The following BTBD17 variants were observed in gnomAD, a reference collection of about 807,000 sequenced individuals.
BTBD17 encodes the protein BTB/POZ domain-containing protein 17.
Under a neutral mutation model 36.9 loss-of-function variants are expected in BTBD17, and 26 were observed. That is an observed-to-expected ratio of 0.70 (90% CI 0.52 to 0.98). The LOEUF is 0.98. BTBD17 is among the 50% of genes least tolerant of loss of function. The pLI, the probability that BTBD17 is intolerant of heterozygous loss-of-function variation, is 0.00. For missense variants in BTBD17, 630 were observed against 691.3 expected, an observed-to-expected ratio of 0.91 and a Z score of 0.99; for synonymous variants, 341 against 338.0, an observed-to-expected ratio of 1.01 and a Z score of -0.10.
chr17:74,362,442 T>C (rs1005517505), upstream of BTBD17, among the ~76,000 whole-genome samples: 7 of 152,176 alleles, frequency 4.6e-5, no homozygotes, highest in African/African-American at 1.7e-4. Context: ...TTCATATTCT[T>C]TGTTGAAGAA....
In BTBD17 at chr17:74,356,657, C is replaced by T. The variant is rs755336026; in HGVS notation, c.1437G>A (p.Ter479=). The T allele has an allele frequency of 2.6e-6, 4 of 1,521,132 alleles. No homozygotes were observed. The African/African-American group carries it at 5.7e-5, about 22-fold the overall frequency. 94.2% of individuals were successfully genotyped at this position (1,521,132 alleles called of 1,614,324 possible). Residue 479 remains the stop codon, a stop_retained_variant, in exon 3 of 3, where the codon TAG becomes TAA. Transcript: ENST00000375366. The surrounding 1 kb of genome is among the most constrained non-coding windows in gnomAD (Gnocchi z 4.3). Reference sequence around the variant, plus strand: ...AGGCCTTTATTCCCAGACCCCGAGGCTACTTGGGGGTCCGGATAAGGGTGT... The same window carrying T: ...AGGCCTTTATTCCCAGACCCCGAGGTTACTTGGGGGTCCGGATAAGGGTGT... ...VYHTLIRTPK[*]
chr17:74,362,965 CATGTGT>C (rs2054949905), upstream of BTBD17, among the ~76,000 whole-genome samples: 2 of 145,902 alleles, frequency 1.4e-5, no homozygotes, highest in Admixed American at 6.8e-5. Context: ...AGCGCGCGCG[CATGTGT>C]GTGTGTGTGT....
intron 2 of BTBD17, among the ~76,000 whole-genome samples, chr17:74,358,016 C>T (rs2054911196): frequency 6.6e-6 from 1 of 152,200 alleles, no homozygotes; most frequent in South Asian, 2.1e-4. Context: ...ACAAAACAGA[C>T]GTGGCTCCTG....
At chr17:74,362,322 G>A (rs988543633), upstream of BTBD17, among the ~76,000 whole-genome samples, 12 of 152,122 alleles carry the variant, frequency 7.9e-5, no homozygotes, top group Admixed American at 1.3e-4. Flanking sequence ...GGAAAGGAGA[G>A]GCGGCTGAGG....
upstream of BTBD17, among the ~76,000 whole-genome samples, chr17:74,362,281 T>C (rs1027143594): frequency 1.8e-4 from 28 of 152,004 alleles, no homozygotes; most frequent in African/African-American, 6.8e-4. Flanking sequence ...AGCACCATGG[T>C]GAGCCGGCTG....
chr17:74,356,777 G>C lies in BTBD17; in HGVS notation c.1317C>G (p.Gly439=). Residue 439 remains glycine (G), a synonymous_variant, in exon 3 of 3, where the codon GGC becomes GGG. Coordinates refer to ENST00000375366, the MANE Select transcript of BTBD17 (RefSeq NM_001080466.2). This position sits in a 1 kb window ranked among gnomAD's most constrained non-coding sequence, Gnocchi z 4.3. ...GCAGGTCGGCGTGCGCCAGGAAGTC[G>C]CCGGCCTCCTCGCTGCTCTGGTGGA... ...YSFHQSSEEA[G]DFLAHADLQR... 2 of 1,602,396 alleles carry C rather than the reference G, an allele frequency of 1.2e-6. No homozygotes were observed. The highest frequency in any genetic ancestry group is 2.3e-5 in the East Asian group (1 of 43,646).
chr17:74,356,495 G>T lies in BTBD17; in HGVS notation c.*162C>A. The T allele has an allele frequency of 1.7e-6, 2 of 1,154,988 alleles. No individual in the cohort carries two copies. The highest frequency in any genetic ancestry group is 1.1e-6 in the Non-Finnish European group (1 of 900,920). The allele number at this position is 1,154,988 out of a possible 1,614,324, so 71.5% of individuals were successfully genotyped here. A position where few individuals can be genotyped will look rare whatever the true frequency, so the allele number is the denominator to read the frequency against. On this transcript the variant is annotated 3_prime_UTR_variant, in exon 3 of 3. Coordinates refer to ENST00000375366, the MANE Select transcript of BTBD17 (RefSeq NM_001080466.2). The surrounding 1 kb of genome is among the most constrained non-coding windows in gnomAD (Gnocchi z 4.3). Reference sequence around the variant, plus strand: ...CTGTGAAATCAGCTCTTGAAACCAGGCATCTTGTCTACCACGCCTCACCTG... The same window carrying T: ...CTGTGAAATCAGCTCTTGAAACCAGTCATCTTGTCTACCACGCCTCACCTG...
chr17:74,358,127 C>T (rs2054911610), intron 2 of BTBD17, among the ~76,000 whole-genome samples: 1 of 152,084 alleles, frequency 6.6e-6, no homozygotes, highest in African/African-American at 2.4e-5. Flanking sequence ...GCTAATCAAT[C>T]ACCTAGGAAA....
intron 2 of BTBD17, among the ~76,000 whole-genome samples, chr17:74,358,321 T>G (rs945899779): frequency 8.6e-5 from 13 of 151,964 alleles, no homozygotes; most frequent in Admixed American, 1.3e-4. Context: ...CAAGACCCTA[T>G]CTCTACAAAA....
chr17:74,358,088 G>A (rs904246122), intron 2 of BTBD17, among the ~76,000 whole-genome samples: 2 of 152,144 alleles, frequency 1.3e-5, no homozygotes, highest in Admixed American at 6.5e-5. Flanking sequence ...ATGAGTCTGG[G>A]CAAGTCACTT....
upstream of BTBD17, among the ~76,000 whole-genome samples, chr17:74,363,289 C>T (rs1472805033): frequency 6.6e-6 from 1 of 152,254 alleles, no homozygotes; most frequent in African/African-American, 2.4e-5. Context: ...CTGCCTCGTC[C>T]GGGTTGGCAG....
At position 74,356,550 on chromosome 17, in the gene BTBD17, G is replaced by A. The variant is rs2054889679; in HGVS notation, c.*107C>T. On this transcript the variant is annotated 3_prime_UTR_variant, in exon 3 of 3. Transcript: ENST00000375366. The surrounding 1 kb of genome is among the most constrained non-coding windows in gnomAD (Gnocchi z 4.3). Reference sequence around the variant, plus strand: ...CCACCCCAGCCCTAGGGTGGCCGGCGCCTGGCCATCCAGGGGACCAGGCTT... The same window carrying A: ...CCACCCCAGCCCTAGGGTGGCCGGCACCTGGCCATCCAGGGGACCAGGCTT... 2 of 1,347,092 alleles carry A rather than the reference G, an allele frequency of 1.5e-6. No individual in the cohort carries two copies. The highest frequency in any genetic ancestry group is 2.9e-5 in the East Asian group (1 of 34,006). The allele number at this position is 1,347,092 out of a possible 1,614,324, so 83.4% of individuals were successfully genotyped here.
At chr17:74,361,663 GGCCGCGTGCAGCCAGGGCTGGGACGACCT>G in intron 1 of BTBD17, 43 bp downstream of exon 1, 3 of 1,313,700 alleles carry the variant, frequency 2.3e-6, no homozygotes, top group Non-Finnish European at 3.2e-6. Context: ...CCTCCTGGCC[GGCCGCGTGCAGCCAGGGCTGGGACGACCT>G]GCCGCTCCAC....
At chr17:74,361,244 C>T (rs147846876) in intron 1 of BTBD17, among the ~76,000 whole-genome samples, 308 of 152,334 alleles carry the variant, frequency 2.0e-3, no homozygotes, top group African/African-American at 7.2e-3. Flanking sequence ...CCGAGAACAG[C>T]GAGGGGAGCC....
rs779765533 is a variant in BTBD17 at position 74,357,122 on chromosome 17, C to T, written c.972G>A (p.Pro324=). ...CGCGGGCCGGGTTGTTGATGACCCA[C>T]GGGGCGCCCCAGGCGGGCGCGAGGT... is the stretch of plus-strand genomic sequence containing the variant. The part of the protein sequence containing the change: ...RNYLAPAWGA[P]WVINNPARDD... Residue 324 remains proline (P), a synonymous_variant, in exon 3 of 3, where the codon CCG becomes CCA. Transcript: ENST00000375366. The surrounding 1 kb of genome is among the most constrained non-coding windows in gnomAD (Gnocchi z 8.4). The T allele has an allele frequency of 6.7e-5, 102 of 1,526,204 alleles. No individual in the cohort carries two copies. Among genetic ancestry groups the T allele is most frequent in the South Asian group, 5.0e-4 (40 of 79,848 alleles). 94.5% of individuals were successfully genotyped at this position (1,526,204 alleles called of 1,614,324 possible).
At chr17:74,361,591 C>G (rs956875271) in intron 1 of BTBD17, 144 bp downstream of exon 1, 1 of 630,164 alleles carries the variant, frequency 1.6e-6, no homozygotes, top group South Asian at 2.0e-5. Flanking sequence ...TTCCTTCAGA[C>G]AGATGAGTCC....
Position 74,356,645 on chromosome 17 carries a change from C to A in BTBD17, c.*12G>T. 6.7e-7 allele frequency: 1 copy of A among 1,492,954 alleles called. No homozygotes were observed. The highest frequency in any genetic ancestry group is 9.0e-7 in the Non-Finnish European group (1 of 1,114,020). The allele number at this position is 1,492,954 out of a possible 1,614,324, so 92.5% of individuals were successfully genotyped here. A position where few individuals can be genotyped will look rare whatever the true frequency, so the allele number is the denominator to read the frequency against. On this transcript the variant is annotated 3_prime_UTR_variant, in exon 3 of 3. Coordinates refer to ENST00000375366, the MANE Select transcript of BTBD17 (RefSeq NM_001080466.2). This position sits in a 1 kb window ranked among gnomAD's most constrained non-coding sequence, Gnocchi z 4.3. Reference sequence around the variant, plus strand: ...ACCACCTAGGCCAGGCCTTTATTCCCAGACCCCGAGGCTACTTGGGGGTCC... The same window carrying A: ...ACCACCTAGGCCAGGCCTTTATTCCAAGACCCCGAGGCTACTTGGGGGTCC...
intron 1 of BTBD17, among the ~76,000 whole-genome samples, chr17:74,361,446 A>G (rs6501712): frequency 0.7 from 106,632 of 152,138 alleles, 37,738 homozygotes; most frequent in African/African-American, 0.76. Context: ...GTTTCCCAGC[A>G]CGGCCTTCCC....
chr17:74,359,848 G>C, intron 2 of BTBD17, 121 bp downstream of exon 2: 1 of 992,126 alleles, frequency 1.0e-6, no homozygotes, highest in South Asian at 1.6e-5. Flanking sequence ...TGTCATCCCA[G>C]TGATGTCCGG....
Sources: gnomAD v4.1 joint callset for allele counts (sites outside exome capture counted in the v4.1 genomes callset) on GRCh38, gnomAD v4.1.1 for gene constraint, Gnocchi (gnomAD v3.1) non-coding constraint, MANE v1.5 for transcripts, NCBI Gene and HGNC (gene_info 2026-07-23, HGNC 2026-07-21) for gene names.